The following FBXO4 variants were observed in gnomAD, a reference collection of about 807,000 sequenced individuals.
FBXO4 encodes the protein F-box only protein 4.
In FBXO4, 36 loss-of-function variants were observed where a neutral mutation model predicts 43.7. The ratio of observed to expected loss-of-function variants is 0.82; its 90% CI spans 0.63 to 1.09. The LOEUF is 1.09. FBXO4 is among the 50% of genes least tolerant of loss of function. The pLI is 0.00. For missense variants in FBXO4, 435 were observed against 474.1 expected, an observed-to-expected ratio of 0.92 and a Z score of 0.77; for synonymous variants, 180 against 165.6, an observed-to-expected ratio of 1.09 and a Z score of -0.67.
the FBXO4 span, among the ~76,000 whole-genome samples, chr5:42,031,859 G>T: frequency 6.6e-6 from 1 of 151,928 alleles, no homozygotes; most frequent in Non-Finnish European, 1.5e-5. Context: ...TAAGACTTGA[G>T]TGCTGTGATT....
At chr5:41,964,041 T>G in the FBXO4 span, 1 of 152,198 alleles carries the variant, frequency 6.6e-6, no homozygotes, top group Non-Finnish European at 1.5e-5. Context: ...AAATTGATTT[T>G]GAGTGATGGC....
chr5:42,007,894 T>C, the FBXO4 span, among the ~76,000 whole-genome samples: 1 of 152,232 alleles, frequency 6.6e-6, no homozygotes, highest in African/African-American at 2.4e-5. Context: ...GGAAAAGATC[T>C]ACTCAAGCAA....
chr5:41,925,576 C>A, intron 1 of FBXO4, 78 bp downstream of exon 1: 1 of 1,141,684 alleles, frequency 8.8e-7, no homozygotes, highest in Non-Finnish European at 1.1e-6. Context: ...CCCCCCGGGG[C>A]CTGGGGAACT....
chr5:41,983,465 T>C, the FBXO4 span, among the ~76,000 whole-genome samples: 1 of 152,186 alleles, frequency 6.6e-6, no homozygotes, highest in Admixed American at 6.5e-5. Flanking sequence ...AATTTTCATA[T>C]TTGCTATTGT....
chr5:42,032,443 C>A, the FBXO4 span, among the ~76,000 whole-genome samples: 1 of 152,144 alleles, frequency 6.6e-6, no homozygotes, highest in Non-Finnish European at 1.5e-5. Flanking sequence ...ACTCAATTCA[C>A]AAGGCATAGT....
At chr5:41,967,994 T>A in the FBXO4 span, 2 of 445,130 alleles carry the variant, frequency 4.5e-6, no homozygotes, top group African/African-American at 4.0e-5. Flanking sequence ...CATGGCCCTT[T>A]GTTGCCAGAG....
the FBXO4 span, among the ~76,000 whole-genome samples, chr5:41,974,103 T>G: frequency 6.6e-6 from 1 of 152,190 alleles, no homozygotes; most frequent in Non-Finnish European, 1.5e-5. Context: ...TCTCCGTATG[T>G]ATGTATCCTC....
chr5:41,969,256 C>T, the FBXO4 span, among the ~76,000 whole-genome samples: 1 of 152,100 alleles, frequency 6.6e-6, no homozygotes, highest in East Asian at 1.9e-4. Flanking sequence ...ATATACATTT[C>T]CAGAAGAGTT....
rs1752002255 is a variant in FBXO4 at position 41,941,405 on chromosome 5, C to T, written c.*124C>T. 1.6e-6 allele frequency: 1 copy of T among 629,496 alleles called. No homozygotes were observed. The highest frequency in any genetic ancestry group is 2.1e-5 in the South Asian group (1 of 48,130). The allele number at this position is 629,496 out of a possible 1,614,324, so 39.0% of individuals were successfully genotyped here. On this transcript the variant is annotated 3_prime_UTR_variant, in exon 7 of 7. Transcript: ENST00000281623. ...TGCAGATAGGCTTTCATTTGGACAG[C>T]TATAACTGCTGTGTTTTTTATATTA...
the FBXO4 span, among the ~76,000 whole-genome samples, chr5:42,014,138 C>G: frequency 6.6e-6 from 1 of 152,108 alleles, no homozygotes; most frequent in African/African-American, 2.4e-5. Flanking sequence ...GAGGAGTCTT[C>G]CCCATATCAC....
chr5:41,939,076 A>C (rs1381896442), intron 5 of FBXO4, among the ~76,000 whole-genome samples: 1 of 152,228 alleles, frequency 6.6e-6, no homozygotes, highest in Non-Finnish European at 1.5e-5. Flanking sequence ...AGGGTTTGGA[A>C]CATTGAGGCT....
chr5:42,007,162 TAA>T, the FBXO4 span, among the ~76,000 whole-genome samples: 1 of 150,544 alleles, frequency 6.6e-6, no homozygotes, highest in Admixed American at 6.7e-5. Flanking sequence ...GTGAGGTCAT[TAA>T]GGTGGGCCCT....
At chr5:41,941,167 A>G (rs767412193) in intron 6 of FBXO4, 25 bp from the exon 7 acceptor site, 2 of 1,596,684 alleles carry the variant, frequency 1.3e-6, no homozygotes, top group Non-Finnish European at 8.6e-7. Context: ...TCTTACTAAC[A>G]ACATTCTCTC....
rs61649680 is a variant in FBXO4 at position 41,939,753 on chromosome 5, TTTGA to T, written c.1074+141_1074+144del. 549 of 649,808 alleles carry T rather than the reference TTTGA, an allele frequency of 8.4e-4. 7 individuals are homozygous for T. The East Asian group carries it at 0.015, about 18-fold the overall frequency. 40.3% of individuals were successfully genotyped at this position (649,808 alleles called of 1,614,324 possible). On this transcript the variant is annotated intron_variant, in intron 6 of 6. Coordinates refer to ENST00000281623, the MANE Select transcript of FBXO4 (RefSeq NM_012176.3). ...TTAATAGCTTAATCTATGGAAGCTA[TTTGA>T]TTGGTGATAATAAATGTTAGCTGAT...
chr5:41,953,238 C>T, the FBXO4 span, among the ~76,000 whole-genome samples: 1 of 150,062 alleles, frequency 6.7e-6, no homozygotes, highest in African/African-American at 2.5e-5. Context: ...TGAGTGAGAA[C>T]ATGTGGTGTT....
At chr5:42,025,936 T>C in the FBXO4 span, among the ~76,000 whole-genome samples, 9 of 152,098 alleles carry the variant, frequency 5.9e-5, no homozygotes, top group South Asian at 1.5e-3. Context: ...CTGTTTTAGC[T>C]ACTATACTTC....
chr5:42,008,300 A>C, the FBXO4 span, among the ~76,000 whole-genome samples: 14 of 152,080 alleles, frequency 9.2e-5, no homozygotes, highest in Admixed American at 2.6e-4. Context: ...CATGACTCTG[A>C]CCCTTGTTTT....
At chr5:42,027,082 CCCT>C in the FBXO4 span, among the ~76,000 whole-genome samples, 2 of 151,796 alleles carry the variant, frequency 1.3e-5, no homozygotes, top group African/African-American at 2.4e-5. Context: ...TGAAAGCACT[CCCT>C]CCTCCTATGT....
the FBXO4 span, among the ~76,000 whole-genome samples, chr5:42,037,899 G>T: frequency 6.6e-6 from 1 of 151,996 alleles, no homozygotes; most frequent in Non-Finnish European, 1.5e-5. Flanking sequence ...TCATTTTCTT[G>T]CTCAGTACCC....
Sources: gnomAD v4.1 joint callset for allele counts (sites outside exome capture counted in the v4.1 genomes callset) on GRCh38, gnomAD v4.1.1 for gene constraint, MANE v1.5 for transcripts, NCBI Gene and HGNC (gene_info 2026-07-23, HGNC 2026-07-21) for gene names.